The following CHAT variants were observed in gnomAD, a reference collection of about 807,000 sequenced individuals.
The protein encoded by CHAT is choline O-acetyltransferase.
In CHAT, 61 loss-of-function variants were observed where a neutral mutation model predicts 76.9. The observed-to-expected ratio is 0.79, with a 90% CI of 0.65 to 0.98. The LOEUF (loss-of-function observed/expected upper bound fraction) is 0.98, where lower values mean the gene tolerates loss of function less well. Ranked by LOEUF, CHAT falls within the 50% of genes least tolerant of loss-of-function variation. CHAT has a pLI of 0.00. For synonymous variants in CHAT, 407 were observed against 397.4 expected, an observed-to-expected ratio of 1.02 and a Z score of -0.29; for missense variants, 946 against 986.9, an observed-to-expected ratio of 0.96 and a Z score of 0.56.
chr10:49,642,872 G>T (rs1392592583), intron 7 of CHAT, among the ~76,000 whole-genome samples: 1 of 152,234 alleles, frequency 6.6e-6, no homozygotes, highest in Admixed American at 6.5e-5. Context: ...TTCCCAAGCT[G>T]CCAGGTATCC....
At chr10:49,659,982 T>C (rs540263219) in intron 13 of CHAT, among the ~76,000 whole-genome samples, 1 of 152,240 alleles carries the variant, frequency 6.6e-6, no homozygotes, top group Non-Finnish European at 1.5e-5. Flanking sequence ...AATCTAATCA[T>C]AGTACACTAC....
At chr10:49,634,380 G>A (rs1168389235) in intron 7 of CHAT, among the ~76,000 whole-genome samples, 1 of 152,234 alleles carries the variant, frequency 6.6e-6, no homozygotes, top group Non-Finnish European at 1.5e-5. Context: ...TTAGATTTGG[G>A]GATCACGCTG....
chr10:49,612,664 T>A, upstream of CHAT: 1 of 324,896 alleles, frequency 3.1e-6, no homozygotes, highest in Non-Finnish European at 5.9e-6. Context: ...GTGCCAAACT[T>A]GGGCCGCTGC....
chr10:49,627,276 T>C (rs148679367), intron 6 of CHAT, among the ~76,000 whole-genome samples: 1 of 152,358 alleles, frequency 6.6e-6, no homozygotes. Context: ...TAGTCATAGG[T>C]ATGCACATTT....
In CHAT at chr10:49,614,072, C is replaced by T; in HGVS notation, c.-118C>T. 1 of 1,525,992 alleles carries T rather than the reference C, an allele frequency of 6.6e-7. No individual in the cohort carries two copies. The highest frequency in any genetic ancestry group is 8.8e-7 in the Non-Finnish European group (1 of 1,134,932). 94.5% of individuals were successfully genotyped at this position (1,525,992 alleles called of 1,614,324 possible). ...CTAGGGGCAGGAGGCATGGGCGGGA[C>T]AGTGTTCTGTGCCCCCTTCTAGAGC... On this transcript the variant is annotated 5_prime_UTR_variant, in exon 1 of 15. Transcript: ENST00000337653.
intron 7 of CHAT, among the ~76,000 whole-genome samples, chr10:49,636,490 G>A (rs530113533): frequency 6.6e-6 from 1 of 152,130 alleles, no homozygotes; most frequent in African/African-American, 2.4e-5. Flanking sequence ...TTTGTTTGTT[G>A]TACTGTATTT....
At chr10:49,611,955 C>A, upstream of CHAT, 1 of 1,612,850 alleles carries the variant, frequency 6.2e-7, no homozygotes, top group Non-Finnish European at 8.5e-7. Flanking sequence ...TGCCCACGCT[C>A]GCCTTCCTGG....
chr10:49,649,666 G>C lies in CHAT; in HGVS notation c.1511+30G>C. 2.5e-6 allele frequency: 4 copies of C among 1,612,996 alleles called. No individual in the cohort carries two copies. The South Asian group carries it at 4.4e-5, about 18-fold the overall frequency. On this transcript the variant is annotated intron_variant, in intron 10 of 14. Coordinates refer to ENST00000337653, the MANE Select transcript of CHAT (RefSeq NM_020549.5). ...GGATAACCGAAGTCTCCTTTGAGGGGTCCCCTAGGGACCACCCCGCCCTTG... is the reference window on the plus strand; with the variant it reads ...GGATAACCGAAGTCTCCTTTGAGGGCTCCCCTAGGGACCACCCCGCCCTTG...
chr10:49,611,010 C>T, upstream of CHAT: 3 of 1,613,728 alleles, frequency 1.9e-6, no homozygotes, highest in Non-Finnish European at 2.5e-6. Flanking sequence ...CGGCCAATGC[C>T]AGCGCCTACA....
intron 5 of CHAT, among the ~76,000 whole-genome samples, chr10:49,623,267 G>A (rs946660166): frequency 1.3e-5 from 2 of 148,474 alleles, no homozygotes; most frequent in Non-Finnish European, 2.9e-5. Context: ...ATTCATCACT[G>A]ACTGCCCCCA....
chr10:49,654,065 G>T (rs1014506496), intron 11 of CHAT, among the ~76,000 whole-genome samples: 1 of 152,218 alleles, frequency 6.6e-6, no homozygotes, highest in African/African-American at 2.4e-5. Context: ...GTTTTTATCT[G>T]CCCCCAGATT....
At chr10:49,644,912 C>T (rs1258618546) in intron 7 of CHAT, among the ~76,000 whole-genome samples, 5 of 152,192 alleles carry the variant, frequency 3.3e-5, no homozygotes, top group Non-Finnish European at 5.9e-5. Flanking sequence ...GAGCTGTCCA[C>T]ATGCCCAAGG....
chr10:49,612,104 T>C, upstream of CHAT: 2 of 1,613,042 alleles, frequency 1.2e-6, no homozygotes, highest in South Asian at 2.2e-5. Context: ...AGCCTTGGCA[T>C]GGGACTGGCC....
chr10:49,616,683 C>A, intron 2 of CHAT, 81 bp downstream of exon 2: 1 of 1,015,306 alleles, frequency 9.8e-7, no homozygotes, highest in Non-Finnish European at 1.5e-6. Flanking sequence ...CTGAGTGGGA[C>A]TGGCCCCCAG....
chr10:49,636,653 A>G (rs989453644), intron 7 of CHAT, among the ~76,000 whole-genome samples: 3 of 152,072 alleles, frequency 2.0e-5, no homozygotes, highest in Admixed American at 6.5e-5. Flanking sequence ...GGGCCTGAAG[A>G]TTTCTTTTTG....
chr10:49,652,096 G>A, intron 11 of CHAT, 90 bp downstream of exon 11: 3 of 1,566,486 alleles, frequency 1.9e-6, no homozygotes, highest in Non-Finnish European at 1.8e-6. Context: ...TGGAGGGAGG[G>A]ACAGCCTTCT....
Position 49,625,629 on chromosome 10 carries a change from C to T in CHAT, c.909C>T (p.His303=), listed in dbSNP as rs76570508. 856 of 1,581,602 alleles carry T rather than the reference C, an allele frequency of 5.4e-4. 1 individual carries two copies. Among genetic ancestry groups the T allele is most frequent in the African/African-American group, 2.7e-3 (204 of 74,404 alleles). ...QNSSIMPEPE[H]VIVACCNQFF... ...GCAGCATCATGCCGGAGCCTGAGCA[C>T]GTCATCGTAGCCTGCTGCAATCAGG... Residue 303 remains histidine (H), a synonymous_variant, in exon 6 of 15, where the codon CAC becomes CAT. Transcript: ENST00000337653.
intron 4 of CHAT, among the ~76,000 whole-genome samples, chr10:49,621,356 C>G (rs1413036053): frequency 6.6e-6 from 1 of 152,190 alleles, no homozygotes; most frequent in Non-Finnish European, 1.5e-5. Flanking sequence ...CCCACTGTAG[C>G]TGGGGTCTCC....
upstream of CHAT, among the ~76,000 whole-genome samples, chr10:49,609,656 G>T (rs1241740719): frequency 1.3e-5 from 2 of 152,104 alleles, no homozygotes; most frequent in Non-Finnish European, 2.9e-5. Context: ...ATTCGCGGCC[G>T]AGAAATTCTG....
Sources: gnomAD v4.1 joint callset for allele counts (sites outside exome capture counted in the v4.1 genomes callset) on GRCh38, gnomAD v4.1.1 for gene constraint, MANE v1.5 for transcripts, NCBI Gene and HGNC (gene_info 2026-07-23, HGNC 2026-07-21) for gene names.